The following CNTN5 variants were observed in gnomAD, a reference collection of about 807,000 sequenced individuals.
The protein encoded by CNTN5 is contactin 5.
CNTN5 carries 77 observed loss-of-function variants against 129.1 expected under a neutral mutation model. The ratio of observed to expected loss-of-function variants is 0.60; its 90% CI spans 0.50 to 0.72. The LOEUF (loss-of-function observed/expected upper bound fraction) is 0.72. Among genes scored for constraint, CNTN5 ranks in the 30% least tolerant of loss-of-function variants. The pLI is 0.00. For synonymous variants in CNTN5, 509 were observed against 465.6 expected, an observed-to-expected ratio of 1.09 and a Z score of -1.20; for missense variants, 1,478 against 1,328.8, an observed-to-expected ratio of 1.11 and a Z score of -1.75.
chr11:99,590,271 G>A (rs117194230), intron 3 of CNTN5, among the ~76,000 whole-genome samples: 6,213 of 152,268 alleles, frequency 0.041, 168 homozygotes, highest in South Asian at 0.087. Flanking sequence ...AAATAGATAA[G>A]AAGAGACTGC....
At chr11:99,608,046 C>T (rs1057323321) in intron 3 of CNTN5, among the ~76,000 whole-genome samples, 11 of 144,070 alleles carry the variant, frequency 7.6e-5, no homozygotes, top group African/African-American at 2.9e-4. Context: ...CACATGTATA[C>T]ATATGTAACT....
intron 3 of CNTN5, among the ~76,000 whole-genome samples, chr11:99,656,302 C>T (rs544840177): frequency 2.9e-4 from 44 of 152,064 alleles, no homozygotes; most frequent in Non-Finnish European, 5.0e-4. Context: ...TTTCTCCCTC[C>T]ACCTTCTTAA....
intron 20 of CNTN5, among the ~76,000 whole-genome samples, chr11:100,306,406 G>A (rs2138915304): frequency 6.6e-6 from 1 of 151,692 alleles, no homozygotes; most frequent in South Asian, 2.1e-4. Flanking sequence ...CACATGTTTT[G>A]TGCTTCTGAA....
chr11:99,468,878 C>G (rs1009765414), intron 2 of CNTN5, among the ~76,000 whole-genome samples: 1 of 151,636 alleles, frequency 6.6e-6, no homozygotes, highest in Non-Finnish European at 1.5e-5. Context: ...TAAATGCTTT[C>G]TACTAGTTTT....
At chr11:99,577,034 T>C (rs1314525916) in intron 3 of CNTN5, among the ~76,000 whole-genome samples, 6 of 152,176 alleles carry the variant, frequency 3.9e-5, no homozygotes, top group African/African-American at 1.2e-4. Flanking sequence ...TTCTATGGTA[T>C]TATGAATTTC....
At chr11:99,810,159 C>G (rs990555837) in intron 3 of CNTN5, among the ~76,000 whole-genome samples, 1 of 152,086 alleles carries the variant, frequency 6.6e-6, no homozygotes, top group African/African-American at 2.4e-5. Flanking sequence ...CAATAAAAGT[C>G]TATAATACCC....
intron 9 of CNTN5, among the ~76,000 whole-genome samples, chr11:100,031,726 C>T (rs1246666383): frequency 6.6e-6 from 1 of 152,206 alleles, no homozygotes; most frequent in African/African-American, 2.4e-5. Context: ...TTAGAAATTA[C>T]TGATGCACAT....
At chr11:99,324,665 T>C (rs61894570) in intron 1 of CNTN5, among the ~76,000 whole-genome samples, 14,926 of 152,120 alleles carry the variant, frequency 0.098, 1,581 homozygotes, top group East Asian at 0.46. Flanking sequence ...AGAATAGAGG[T>C]GGCCCCATTC....
chr11:99,959,086 T>A (rs1210625009), intron 8 of CNTN5, among the ~76,000 whole-genome samples: 4 of 152,208 alleles, frequency 2.6e-5, no homozygotes, highest in Non-Finnish European at 5.9e-5. Flanking sequence ...TAAATCCCTT[T>A]GCCTCTGTGT....
intron 9 of CNTN5, among the ~76,000 whole-genome samples, chr11:100,020,825 C>T (rs980168174): frequency 4.6e-5 from 7 of 151,874 alleles, no homozygotes; most frequent in Non-Finnish European, 7.4e-5. Context: ...TTTACAATAG[C>T]ATCAAAAAGA....
At chr11:99,122,574 C>T (rs76306524) in intron 1 of CNTN5, among the ~76,000 whole-genome samples, 7,416 of 151,982 alleles carry the variant, frequency 0.049, 185 homozygotes, top group South Asian at 0.065. Context: ...TTTAGGGGTA[C>T]ATGTACAGGA....
chr11:99,038,218 C>T (rs772695538), intron 1 of CNTN5, among the ~76,000 whole-genome samples: 5 of 151,860 alleles, frequency 3.3e-5, no homozygotes, highest in Non-Finnish European at 7.4e-5. Context: ...GCTGTAGTTC[C>T]CTAATTGGAA....
At chr11:99,381,122 G>A (rs1297965244) in intron 2 of CNTN5, among the ~76,000 whole-genome samples, 1 of 150,038 alleles carries the variant, frequency 6.7e-6, no homozygotes, top group Admixed American at 6.7e-5. Flanking sequence ...ACATATACCA[G>A]CAAATAAAAA....
At chr11:99,146,952 G>T (rs899816207) in intron 1 of CNTN5, among the ~76,000 whole-genome samples, 1 of 152,038 alleles carries the variant, frequency 6.6e-6, no homozygotes, top group African/African-American at 2.4e-5. Context: ...GAACTCCTGG[G>T]CTCAAGCAAT....
At chr11:99,257,639 C>G (rs577223087) in intron 1 of CNTN5, among the ~76,000 whole-genome samples, 1 of 151,836 alleles carries the variant, frequency 6.6e-6, no homozygotes, top group Non-Finnish European at 1.5e-5. Context: ...GTTCAGATTT[C>G]AGGAAAGTAG....
At chr11:99,806,986 A>G (rs1946292420) in intron 3 of CNTN5, among the ~76,000 whole-genome samples, 1 of 152,146 alleles carries the variant, frequency 6.6e-6, no homozygotes, top group South Asian at 2.1e-4. Flanking sequence ...TCATCAGTGT[A>G]TAAAGTGCTT....
chr11:99,096,622 G>A (rs1464326126), intron 1 of CNTN5, among the ~76,000 whole-genome samples: 1 of 151,730 alleles, frequency 6.6e-6, no homozygotes, highest in African/African-American at 2.4e-5. Flanking sequence ...ACTTTTCCAA[G>A]GTTTCAAGTC....
intron 9 of CNTN5, among the ~76,000 whole-genome samples, chr11:100,011,467 A>G (rs1223055146): frequency 2.6e-5 from 4 of 152,196 alleles, no homozygotes; most frequent in South Asian, 2.1e-4. Context: ...AAAATTTTAC[A>G]TGTTTCTTAT....
At chr11:99,833,861 C>T (rs1318224745) in intron 4 of CNTN5, among the ~76,000 whole-genome samples, 2 of 152,122 alleles carry the variant, frequency 1.3e-5, no homozygotes, top group Non-Finnish European at 2.9e-5. Context: ...TTCCCAGTTG[C>T]TGTGTCGCTT....
Sources: allele counts gnomAD v4.1 joint callset (sites outside exome capture counted in the v4.1 genomes callset), GRCh38; gene constraint gnomAD v4.1.1; transcripts MANE v1.5; gene names NCBI Gene and HGNC (gene_info 2026-07-23, HGNC 2026-07-21).